Variants in AGBL1 observed in about 807,000 individuals in gnomAD.
AGBL1 encodes the protein cytosolic carboxypeptidase 4.
AGBL1 carries 130 observed loss-of-function variants against 118.9 expected under a neutral mutation model. The ratio of observed to expected loss-of-function variants is 1.09; its 90% CI spans 0.95 to 1.26. The LOEUF is 1.26. AGBL1 is among the 50% of genes most tolerant of loss of function. The probability of loss-of-function intolerance (pLI) is 0.00; values close to 1 mark genes in which losing one functional copy is unlikely to be tolerated. For missense variants in AGBL1, 1,584 were observed against 1,298.1 expected (o/e 1.22, Z -3.38); for synonymous variants, 555 against 478.9 (o/e 1.16, Z -2.08).
intron 22 of AGBL1, among the ~76,000 whole-genome samples, chr15:86,851,546 G>A (rs559932161): frequency 1.3e-5 from 2 of 152,254 alleles, no homozygotes; most frequent in African/African-American, 4.8e-5. Context: ...AGAATTTCCT[G>A]AAAACATCTT....
At chr15:86,657,227 A>G (rs1375500009) in intron 21 of AGBL1, among the ~76,000 whole-genome samples, 1 of 152,156 alleles carries the variant, frequency 6.6e-6, no homozygotes, top group East Asian at 1.9e-4. Flanking sequence ...ACCTGGGACA[A>G]TGCCAACTGT....
chr15:86,173,439 T>C (rs1402007161), intron 5 of AGBL1, among the ~76,000 whole-genome samples: 3 of 152,176 alleles, frequency 2.0e-5, no homozygotes, highest in Non-Finnish European at 2.9e-5. Flanking sequence ...AGAAGCTTTT[T>C]CGTTTAATGT....
In AGBL1 at chr15:86,379,922, G is replaced by C. The variant is rs140336463; in HGVS notation, c.2375-17444G>C. ...AACTTTTCAGAAAGATTCATAGCAG[G>C]GTGCTTCAAAATTGAGGGCTTTCAA... On this transcript the variant is annotated intron_variant, in intron 17 of 22. Transcript: ENST00000614907. Among the ~76,000 whole-genome samples, 276 of 152,208 alleles carry C rather than the reference G, an allele frequency of 1.8e-3. 1 individual carries two copies. Among genetic ancestry groups the C allele is most frequent in the African/African-American group, 5.9e-3 (244 of 41,518 alleles).
chr15:86,718,866 A>C (rs1365498063), intron 22 of AGBL1, among the ~76,000 whole-genome samples: 1 of 152,176 alleles, frequency 6.6e-6, no homozygotes, highest in Non-Finnish European at 1.5e-5. Flanking sequence ...GATTCCACCA[A>C]GTTAACTATT....
chr15:86,187,809 T>C (rs189015519), intron 5 of AGBL1, among the ~76,000 whole-genome samples: 7 of 152,280 alleles, frequency 4.6e-5, no homozygotes, highest in South Asian at 2.1e-4. Flanking sequence ...TTGGCAAATA[T>C]AGCTATCTGT....
chr15:86,975,739 G>A (rs963670903), intron 23 of AGBL1, among the ~76,000 whole-genome samples: 17 of 152,170 alleles, frequency 1.1e-4, no homozygotes, highest in Non-Finnish European at 2.2e-4. Flanking sequence ...CACTCAACCT[G>A]TCTTTCAGCT....
intron 19 of AGBL1, among the ~76,000 whole-genome samples, chr15:86,535,265 A>G (rs943997383): frequency 5.3e-5 from 8 of 152,224 alleles, no homozygotes; most frequent in Non-Finnish European, 7.3e-5. Context: ...AAGCTCTACA[A>G]TCAGCTAGCA....
At chr15:86,725,590 G>A (rs757883660) in intron 22 of AGBL1, among the ~76,000 whole-genome samples, 8 of 152,208 alleles carry the variant, frequency 5.3e-5, no homozygotes, top group Non-Finnish European at 1.0e-4. Flanking sequence ...CTGCCTGTGT[G>A]CATGTGTGAA....
chr15:86,863,121 G>A (rs192040518), intron 22 of AGBL1, among the ~76,000 whole-genome samples: 78 of 152,256 alleles, frequency 5.1e-4, no homozygotes, highest in African/African-American at 1.6e-3. Context: ...GATTCCATGC[G>A]TATAAATAGA....
intron 23 of AGBL1, among the ~76,000 whole-genome samples, chr15:86,924,961 G>T (rs894375811): frequency 2.0e-5 from 3 of 151,728 alleles, no homozygotes; most frequent in East Asian, 3.9e-4. Context: ...ACTTAGCTGG[G>T]CATGGTGGTG....
intron 21 of AGBL1, among the ~76,000 whole-genome samples, chr15:86,558,809 G>T (rs191180812): frequency 6.6e-6 from 1 of 152,134 alleles, no homozygotes; most frequent in African/African-American, 2.4e-5. Context: ...ACTAGAGACC[G>T]CAGATCAGAG....
chr15:86,540,923 G>A (rs533428000), intron 19 of AGBL1, among the ~76,000 whole-genome samples: 10 of 152,194 alleles, frequency 6.6e-5, no homozygotes, highest in South Asian at 2.1e-4. Context: ...ATAATTTGTC[G>A]TTTACTTCCT....
chr15:86,544,499 A>G (rs745512399), intron 19 of AGBL1, among the ~76,000 whole-genome samples: 3 of 152,224 alleles, frequency 2.0e-5, no homozygotes, highest in Non-Finnish European at 2.9e-5. Context: ...AAGAGGTTTA[A>G]TTGGCTCACA....
At chr15:86,315,835 T>A (rs2079997940) in intron 17 of AGBL1, among the ~76,000 whole-genome samples, 2 of 152,152 alleles carry the variant, frequency 1.3e-5, no homozygotes, top group African/African-American at 4.8e-5. Context: ...TAGCTAGCAT[T>A]TAACTCCAAA....
chr15:86,240,969 G>T (rs974537276), intron 6 of AGBL1, among the ~76,000 whole-genome samples: 4 of 152,076 alleles, frequency 2.6e-5, no homozygotes, highest in Non-Finnish European at 5.9e-5. Flanking sequence ...TCCTAAAAAG[G>T]CTTTAGAGTA....
chr15:86,332,398 G>A (rs999270746), intron 17 of AGBL1, among the ~76,000 whole-genome samples: 1 of 152,104 alleles, frequency 6.6e-6, no homozygotes, highest in African/African-American at 2.4e-5. Context: ...TGTAATCCCA[G>A]CACTTTGGGA....
At chr15:86,459,222 T>C (rs2082299285) in intron 18 of AGBL1, among the ~76,000 whole-genome samples, 1 of 152,174 alleles carries the variant, frequency 6.6e-6, no homozygotes, top group African/African-American at 2.4e-5. Context: ...TTGTTTTCAG[T>C]GTAATATCAC....
intron 3 of AGBL1, among the ~76,000 whole-genome samples, chr15:86,144,175 T>A (rs556406481): frequency 5.3e-5 from 8 of 152,288 alleles, no homozygotes; most frequent in Admixed American, 2.0e-4. Context: ...AAAAGTTGCA[T>A]CACAAGGTTG....
chr15:86,768,205 C>T (rs981076576), intron 22 of AGBL1, among the ~76,000 whole-genome samples: 7 of 151,950 alleles, frequency 4.6e-5, no homozygotes, highest in African/African-American at 1.7e-4. Context: ...TCTAACTTTA[C>T]ACCTTTGGCA....
Sources: allele counts gnomAD v4.1 joint callset (sites outside exome capture counted in the v4.1 genomes callset), GRCh38; gene constraint gnomAD v4.1.1; transcripts MANE v1.5; gene names NCBI Gene and HGNC (gene_info 2026-07-23, HGNC 2026-07-21).